MMP15: variants seen among roughly 807,000 people sequenced by gnomAD.
MMP15 encodes matrix metallopeptidase 15, also known as matrix metalloproteinase-15.
Under a neutral mutation model 65.0 loss-of-function variants are expected in MMP15, and 36 were observed. That is an observed-to-expected ratio of 0.55 (90% confidence interval 0.42 to 0.73). The LOEUF is 0.73. Among genes scored for constraint, MMP15 ranks in the 30% least tolerant of loss-of-function variants. MMP15 has a pLI of 0.00. For synonymous variants in MMP15, 428 were observed against 410.2 expected, an observed-to-expected ratio of 1.04 and a Z score of -0.52; for missense variants, 870 against 987.8, an observed-to-expected ratio of 0.88 and a Z score of 1.60.
intron 6 of MMP15, 40 bp downstream of exon 6, chr16:58,041,910 C>G (rs368012727): frequency 1.3e-6 from 2 of 1,535,568 alleles, no homozygotes; most frequent in African/African-American, 1.4e-5. Flanking sequence ...GAGCCTTTTC[C>G]CTGGCTGCTC....
In MMP15 at chr16:58,045,331, CACT is replaced by C. The variant is rs1334673025; in HGVS notation, c.1896_1898del (p.Leu637del). 15 of 1,608,016 alleles carry C rather than the reference CACT, an allele frequency of 9.3e-6. No individual in the cohort carries two copies. The highest frequency in any genetic ancestry group is 8.9e-5 in the South Asian group (8 of 89,702). On this transcript the variant is annotated inframe_deletion, in exon 10 of 10. Coordinates refer to ENST00000219271, the MANE Select transcript of MMP15 (RefSeq NM_002428.4). Reference sequence around the variant, plus strand: ...GTGAACGTGGTGATGGTGCTGGTGCCACTGCTGCTGCTGCTCTGCGTCCTGGGC... The same window carrying C: ...GTGAACGTGGTGATGGTGCTGGTGCCGCTGCTGCTGCTCTGCGTCCTGGGC...
chr16:58,043,671 C>T, intron 9 of MMP15, 44 bp downstream of exon 9: 10 of 1,409,968 alleles, frequency 7.1e-6, no homozygotes, highest in Non-Finnish European at 9.8e-6. Flanking sequence ...CCTAATATCC[C>T]CTGCTACACA....
chr16:58,041,916 T>C (rs1193919843), intron 6 of MMP15, 46 bp downstream of exon 6: 1 of 1,529,768 alleles, frequency 6.5e-7, no homozygotes, highest in African/African-American at 1.4e-5. Context: ...TTTCCCTGGC[T>C]GCTCTGGGCC....
chr16:58,034,397 C>G (rs998466173), intron 1 of MMP15, among the ~76,000 whole-genome samples: 2 of 138,046 alleles, frequency 1.4e-5, no homozygotes, highest in Non-Finnish European at 3.1e-5. Flanking sequence ...CTCCTGTGTT[C>G]CCCTGAGCTT....
intron 1 of MMP15, among the ~76,000 whole-genome samples, chr16:58,035,658 A>G (rs1487810870): frequency 1.3e-5 from 2 of 152,084 alleles, no homozygotes; most frequent in African/African-American, 4.8e-5. Context: ...GTGGAGTGAC[A>G]CCTCGGAAAT....
chr16:58,039,794 G>A (rs1415446416), intron 3 of MMP15, 81 bp from the exon 4 acceptor site: 29 of 1,404,620 alleles, frequency 2.1e-5, no homozygotes, highest in African/African-American at 2.9e-5. Context: ...GTGACCTTGC[G>A]TGCACTCTTG....
intron 5 of MMP15, among the ~76,000 whole-genome samples, chr16:58,041,197 A>G (rs1033392084): frequency 1.3e-5 from 2 of 151,632 alleles, no homozygotes; most frequent in Non-Finnish European, 2.9e-5. Context: ...CAAGTCCTGC[A>G]CTCTGTGCCC....
At chr16:58,044,931 C>A in intron 9 of MMP15, 76 bp from the exon 10 acceptor site, 1 of 1,511,702 alleles carries the variant, frequency 6.6e-7, no homozygotes, top group Non-Finnish European at 9.1e-7. Context: ...AAGCCCTCAG[C>A]ATGTCCTGGC....
chr16:58,035,395 C>A lies in MMP15; in HGVS notation c.163-2077C>A, dbSNP rs1476711073. Among the ~76,000 whole-genome samples the A allele has an allele frequency of 2.5e-4, 38 of 152,236 alleles. 1 individual carries two copies. Among genetic ancestry groups the A allele is most frequent in the Admixed American group, 2.5e-3 (38 of 15,294 alleles). On this transcript the variant is annotated intron_variant, in intron 1 of 9. Transcript: ENST00000219271. ...GTCCTGGTGGAGCCTGGCCCATCAC[C>A]AGTCTTGGGAAGTCCAGACCCATCA... is the stretch of plus-strand genomic sequence containing the variant.
intron 3 of MMP15, 146 bp from the exon 4 acceptor site, chr16:58,039,729 T>G: frequency 1.3e-6 from 1 of 750,990 alleles, no homozygotes; most frequent in East Asian, 2.8e-5. Flanking sequence ...TTTGACAAAT[T>G]CAAATTATGA....
At position 58,045,265 on chromosome 16, in the gene MMP15, G is replaced by A. The variant is rs528280390; in HGVS notation, c.1829G>A (p.Gly610Asp). 7 of 1,609,628 alleles carry A rather than the reference G, an allele frequency of 4.3e-6. No individual in the cohort carries two copies. In the African/African-American group the frequency reaches 8.0e-5, roughly 18 times the overall value. ...DFGAGVNKDG[G>D]SRVVVQMEEV... Reference sequence around the variant, plus strand: ...GGGGCCGGGGTCAACAAGGACGGGGGCAGCCGCGTGGTGGTGCAGATGGAG... The same window carrying A: ...GGGGCCGGGGTCAACAAGGACGGGGACAGCCGCGTGGTGGTGCAGATGGAG... The change falls in exon 10 of 10, where the codon GGC becomes GAC. Residue 610 changes from glycine (G) to aspartate (D), a missense_variant. Gly to Asp is a moderately conservative substitution (Grantham distance 94, BLOSUM62 -1). Transcript: ENST00000219271.
intron 1 of MMP15, among the ~76,000 whole-genome samples, chr16:58,036,589 C>T (rs1597063969): frequency 1.3e-5 from 2 of 152,220 alleles, no homozygotes; most frequent in East Asian, 3.8e-4. Flanking sequence ...AACCTCACCC[C>T]TCAGCAGCCC....
intron 1 of MMP15, among the ~76,000 whole-genome samples, chr16:58,030,126 A>T (rs1011090682): frequency 2.6e-5 from 4 of 152,182 alleles, no homozygotes; most frequent in Non-Finnish European, 5.9e-5. Flanking sequence ...TGGACACTCC[A>T]GCAGGAGCAA....
chr16:58,043,736 G>A (rs1044367467), intron 9 of MMP15, 109 bp downstream of exon 9: 5 of 734,950 alleles, frequency 6.8e-6, no homozygotes, highest in Non-Finnish European at 1.1e-5. Context: ...GTGTGTATGG[G>A]TGACAAGCTG....
chr16:58,040,256 G>T, intron 4 of MMP15, 74 bp downstream of exon 4: 3 of 1,460,286 alleles, frequency 2.1e-6, no homozygotes, highest in Non-Finnish European at 2.8e-6. Flanking sequence ...TGCTGAGTGG[G>T]TTCAGCAGCC....
Position 58,040,577 on chromosome 16 carries a change from C to T in MMP15, c.789C>T (p.His263=), listed in dbSNP as rs575427065. 80 of 1,614,000 alleles carry T rather than the reference C, an allele frequency of 5.0e-5. No homozygotes were observed. Among genetic ancestry groups the T allele is most frequent in the Middle Eastern group, 3.3e-4 (2 of 6,006 alleles). The change falls in exon 5 of 10, where the codon CAC becomes CAT. Residue 263 remains histidine, a synonymous_variant. Coordinates refer to ENST00000219271, the MANE Select transcript of MMP15 (RefSeq NM_002428.4). Reference sequence around the variant, plus strand: ...TGGTGGCAGTGCATGAGCTGGGCCACGCGCTGGGGCTGGAGCACTCCAGCA... The same window carrying T: ...TGGTGGCAGTGCATGAGCTGGGCCATGCGCTGGGGCTGGAGCACTCCAGCA... ...LFLVAVHELG[H]ALGLEHSSNP... is the part of the protein sequence containing the mutation.
chr16:58,026,623 C>T (rs1230434976), intron 1 of MMP15, 111 bp downstream of exon 1: 1 of 1,177,984 alleles, frequency 8.5e-7, no homozygotes, highest in Non-Finnish European at 1.1e-6. Flanking sequence ...GCCCCCTGTT[C>T]TGGGCCGTGG....
At chr16:58,036,223 C>T (rs2142326819) in intron 1 of MMP15, among the ~76,000 whole-genome samples, 1 of 152,320 alleles carries the variant, frequency 6.6e-6, no homozygotes, top group African/African-American at 2.4e-5. Flanking sequence ...GGCCTCTGCT[C>T]ACTGCCTCCC....
chr16:58,030,587 G>A (rs1211299076), intron 1 of MMP15, among the ~76,000 whole-genome samples: 1 of 152,178 alleles, frequency 6.6e-6, no homozygotes, highest in Non-Finnish European at 1.5e-5. Flanking sequence ...GCCATCGGCC[G>A]ATGGTGATGC....
Sources: gnomAD v4.1 joint callset for allele counts (sites outside exome capture counted in the v4.1 genomes callset) on GRCh38, gnomAD v4.1.1 for gene constraint, MANE v1.5 for transcripts, NCBI Gene and HGNC (gene_info 2026-07-23, HGNC 2026-07-21) for gene names.